The following FHIT variants were observed in gnomAD, a reference collection of about 807,000 sequenced individuals.
FHIT encodes bis(5'-adenosyl)-triphosphatase.
FHIT carries 19 observed loss-of-function variants against 17.9 expected under a neutral mutation model. The ratio of observed to expected loss-of-function variants is 1.06; its 90% confidence interval spans 0.74 to 1.56. The LOEUF is 1.56. Among genes scored for constraint, FHIT ranks in the 40% most tolerant of loss-of-function variants. The probability of loss-of-function intolerance (pLI) is 0.00; values close to 1 mark genes in which losing one functional copy is unlikely to be tolerated. For missense variants in FHIT, 248 were observed against 189.2 expected (o/e 1.31, Z -1.82); for synonymous variants, 81 against 69.7 (o/e 1.16, Z -0.81).
chr3:59,971,245 T>C (rs1708165511), intron 7 of FHIT, among the ~76,000 whole-genome samples: 1 of 152,106 alleles, frequency 6.6e-6, no homozygotes, highest in Non-Finnish European at 1.5e-5. Context: ...TAAAAACAAA[T>C]TACAGGGAAT....
At chr3:60,748,102 T>C (rs1402124153) in intron 4 of FHIT, among the ~76,000 whole-genome samples, 3 of 152,048 alleles carry the variant, frequency 2.0e-5, no homozygotes, top group Non-Finnish European at 2.9e-5. Context: ...TGAGGAGCCA[T>C]TAGAAGCTTT....
intron 4 of FHIT, among the ~76,000 whole-genome samples, chr3:60,820,062 C>T (rs1054397741): frequency 6.6e-6 from 1 of 152,124 alleles, no homozygotes; most frequent in Admixed American, 6.5e-5. Context: ...AATCCCTGCA[C>T]TTTGGGTGGC....
intron 3 of FHIT, among the ~76,000 whole-genome samples, chr3:60,895,211 A>T (rs1445783268): frequency 6.6e-6 from 1 of 152,308 alleles, no homozygotes. Flanking sequence ...TCTGACTGTT[A>T]TATGAGGATT....
intron 5 of FHIT, among the ~76,000 whole-genome samples, chr3:60,450,082 G>C (rs1055695039): frequency 6.6e-6 from 1 of 150,696 alleles, no homozygotes; most frequent in Admixed American, 6.6e-5. Flanking sequence ...CATGAATGAA[G>C]CTTACGGGAC....
At chr3:60,896,561 A>G (rs528716586) in intron 3 of FHIT, among the ~76,000 whole-genome samples, 1 of 152,196 alleles carries the variant, frequency 6.6e-6, no homozygotes, top group South Asian at 2.1e-4. Flanking sequence ...TTGTCCCACA[A>G]ATAACACAAC....
intron 8 of FHIT, among the ~76,000 whole-genome samples, chr3:59,753,250 C>G (rs1039830944): frequency 1.3e-5 from 2 of 152,046 alleles, no homozygotes; most frequent in African/African-American, 2.4e-5. Context: ...AAAGAGGGTT[C>G]AAGCAGGGAA....
intron 5 of FHIT, among the ~76,000 whole-genome samples, chr3:60,130,772 G>GTATATACACACATATA (rs1411900016): frequency 3.3e-3 from 1 of 300 alleles, no homozygotes; most frequent in African/African-American, 0.014. Context: ...GTGTTTGTGT[G>GTATATACACACATATA]TGTGTGTGTG....
At chr3:60,974,436 G>C (rs932860061) in intron 3 of FHIT, among the ~76,000 whole-genome samples, 2 of 152,148 alleles carry the variant, frequency 1.3e-5, no homozygotes, top group Non-Finnish European at 2.9e-5. Flanking sequence ...ACTGGAAAGA[G>C]AATTGCTGCT....
At chr3:59,948,536 A>T (rs6772201) in intron 7 of FHIT, among the ~76,000 whole-genome samples, 29,080 of 151,484 alleles carry the variant, frequency 0.19, 2,958 homozygotes, top group South Asian at 0.25. Context: ...AAAATAAAAA[A>T]AAATAAATAA....
chr3:60,286,021 G>C (rs937610581), intron 5 of FHIT, among the ~76,000 whole-genome samples: 1 of 152,162 alleles, frequency 6.6e-6, no homozygotes. Flanking sequence ...GAGAGGGTAA[G>C]TGGGTGTAGA....
At chr3:60,627,341 T>C (rs2107764967) in intron 4 of FHIT, among the ~76,000 whole-genome samples, 1 of 152,312 alleles carries the variant, frequency 6.6e-6, no homozygotes, top group South Asian at 2.1e-4. Flanking sequence ...TATTCAGTCT[T>C]TTTACTTTTG....
chr3:60,746,225 G>C (rs760888195), intron 4 of FHIT, among the ~76,000 whole-genome samples: 1 of 152,078 alleles, frequency 6.6e-6, no homozygotes, highest in African/African-American at 2.4e-5. Flanking sequence ...AAAAGACAAA[G>C]GTTTCTCTTC....
rs114555814 is a variant in FHIT, at chr3:60,184,444, G to A, written c.104-170292C>T. On this transcript the variant is annotated intron_variant, in intron 5 of 9. Transcript: ENST00000492590. Reference sequence around the variant, plus strand: ...GTACTGAGGCAAGTATGTTGCTGAAGTCCCTCAGTTAAGGTTTGTCTGATG... The same window carrying A: ...GTACTGAGGCAAGTATGTTGCTGAAATCCCTCAGTTAAGGTTTGTCTGATG... Among the ~76,000 whole-genome samples the A allele has an allele frequency of 2.4e-3, 370 of 152,148 alleles. 2 individuals are homozygous for A. The highest frequency in any genetic ancestry group is 8.5e-3 in the African/African-American group (352 of 41,516).
intron 1 of FHIT, among the ~76,000 whole-genome samples, chr3:61,246,343 T>C (rs2040486164): frequency 6.6e-6 from 1 of 152,088 alleles, no homozygotes; most frequent in Admixed American, 6.5e-5. Flanking sequence ...CCAAGAACCC[T>C]CTCTTGGGGT....
At chr3:60,451,945 G>C (rs761636794) in intron 5 of FHIT, among the ~76,000 whole-genome samples, 1 of 152,094 alleles carries the variant, frequency 6.6e-6, no homozygotes. Flanking sequence ...CCAAATTTGA[G>C]ACTCCCTTAA....
At chr3:60,762,000 T>C (rs1373174447) in intron 4 of FHIT, among the ~76,000 whole-genome samples, 1 of 152,186 alleles carries the variant, frequency 6.6e-6, no homozygotes, top group Non-Finnish European at 1.5e-5. Flanking sequence ...TGACTTCACA[T>C]TGATCCTGGG....
chr3:61,207,379 G>C (rs2039279841), intron 1 of FHIT, among the ~76,000 whole-genome samples: 1 of 152,204 alleles, frequency 6.6e-6, no homozygotes, highest in South Asian at 2.1e-4. Context: ...GACTGGAATA[G>C]TTTCAGAAGA....
chr3:60,569,755 A>ATATATATATTTTTTT, intron 4 of FHIT, among the ~76,000 whole-genome samples: 1 of 77,344 alleles, frequency 1.3e-5, no homozygotes, highest in Admixed American at 2.0e-4. Context: ...ATATATATAT[A>ATATATATATTTTTTT]TTTTTTTTTT....
At chr3:60,213,820 A>T (rs1703569015) in intron 5 of FHIT, among the ~76,000 whole-genome samples, 1 of 152,236 alleles carries the variant, frequency 6.6e-6, no homozygotes, top group Non-Finnish European at 1.5e-5. Context: ...TATTCAGAGT[A>T]TCAGGAGCAT....
Sources: gnomAD v4.1 joint callset for allele counts (sites outside exome capture counted in the v4.1 genomes callset) on GRCh38, gnomAD v4.1.1 for gene constraint, MANE v1.5 for transcripts, NCBI Gene and HGNC (gene_info 2026-07-23, HGNC 2026-07-21) for gene names.